Variants in GSTT2B observed in about 807,000 individuals in gnomAD.
GSTT2B encodes the protein glutathione S-transferase theta 2B.
GSTT2B carries 4 observed loss-of-function variants against 16.6 expected under a neutral mutation model. That is an observed-to-expected ratio of 0.24 (90% CI 0.12 to 0.55). The LOEUF is 0.55. GSTT2B is among the 20% of genes least tolerant of loss of function. GSTT2B has a pLI of 0.94. For synonymous variants in GSTT2B, 9 were observed against 110.9 expected (o/e 0.08, Z 5.77); for missense variants, 27 against 266.1 (o/e 0.10, Z 6.25).
At chr22:23,959,396 G>T (rs1407094108) in intron 2 of GSTT2B, among the ~76,000 whole-genome samples, 1 of 97,348 alleles carries the variant, frequency 1.0e-5, no homozygotes, top group African/African-American at 3.2e-5. Context: ...ATGTTCCCTT[G>T]TCTTCTCTTC....
intron 1 of GSTT2B, among the ~76,000 whole-genome samples, chr22:23,960,665 A>G (rs2033830931): frequency 1.9e-5 from 2 of 107,384 alleles, no homozygotes; most frequent in African/African-American, 5.8e-5. Context: ...GGGGTGGCTC[A>G]TCTCTTCCCA....
At chr22:23,959,417 C>G (rs530727356) in intron 2 of GSTT2B, among the ~76,000 whole-genome samples, 1 of 100,842 alleles carries the variant, frequency 9.9e-6, no homozygotes, top group Admixed American at 1.0e-4. Flanking sequence ...TAATACCCTT[C>G]AGTCTGGGAG....
intron 2 of GSTT2B, among the ~76,000 whole-genome samples, chr22:23,959,734 C>T (rs1354431040): frequency 7.0e-5 from 7 of 100,614 alleles, no homozygotes; most frequent in Non-Finnish European, 9.4e-5. Flanking sequence ...GCCGCCACCA[C>T]GCCCTGCTAA....
rs768219280 is a variant in GSTT2B at position 23,960,374 on chromosome 22, G to C, written c.120C>G (p.His40Gln). The change falls in exon 2 of 5, where the codon CAC (histidine) becomes CAG (glutamine). Residue 40 changes from histidine to glutamine, a missense_variant. By Grantham distance (24) the His-to-Gln change is conservative (BLOSUM62 0). Coordinates refer to ENST00000290765, the MANE Select transcript of GSTT2B (RefSeq NM_001080843.4). Reference sequence around the variant, plus strand: ...TGATCTGCAAGAACTCCTTGCTCTTGTGCTGCCCTGAAGAGGAAGAAGTCA... The same window carrying C: ...TGATCTGCAAGAACTCCTTGCTCTTCTGCTGCCCTGAAGAGGAAGAAGTCA... The part of the protein sequence containing the change: ...LRTVDLVKGQ[H>Q]KSKEFLQINS... 15 of 1,610,698 alleles carry C rather than the reference G, an allele frequency of 9.3e-6. No individual in the cohort carries two copies. In the South Asian group the frequency reaches 9.9e-5, roughly 11 times the overall value.
chr22:23,959,219 AC>A, intron 2 of GSTT2B, among the ~76,000 whole-genome samples: 1 of 130,570 alleles, frequency 7.7e-6, no homozygotes, highest in East Asian at 2.2e-4. Context: ...CAGCCACCTG[AC>A]CTCTTGTCCT....
intron 1 of GSTT2B, among the ~76,000 whole-genome samples, 175 bp from the exon 2 acceptor site, chr22:23,960,556 G>A (rs1322769977): frequency 1.0e-5 from 1 of 95,672 alleles, no homozygotes; most frequent in South Asian, 4.4e-4. Flanking sequence ...ACATTCCGGG[G>A]CAGCTGGGGG....
intron 2 of GSTT2B, 94 bp downstream of exon 2, chr22:23,960,200 G>A: frequency 2.1e-6 from 3 of 1,451,342 alleles, no homozygotes; most frequent in Non-Finnish European, 2.9e-6. Context: ...GCTGCCCCAT[G>A]GGGTATGGGA....
chr22:23,959,294 G>A lies in GSTT2B; in HGVS notation c.201-593C>T, dbSNP rs891006792. Among the ~76,000 whole-genome samples the A allele has an allele frequency of 1.0e-4, 9 of 87,934 alleles. 2 individuals carry two copies. Among genetic ancestry groups the A allele is most frequent in the Non-Finnish European group, 2.3e-4 (9 of 39,384 alleles). The allele number at this position is 87,934 out of a possible 152,430, so 57.7% of individuals were successfully genotyped here. On this transcript the variant is annotated intron_variant, in intron 2 of 4. Transcript: ENST00000290765. The stretch of plus-strand genomic sequence containing the variant: ...CCTTGGGCCATGGCATTGGCCTCTA[G>A]GCCCGGCCTGGGTAGATTGGGTAGT...
In GSTT2B at chr22:23,959,882, G is replaced by C. The variant is rs1335801701; in HGVS notation, c.200+412C>G. Reference sequence around the variant, plus strand: ...GTAAACCACCGCGCCCGGCCTTTTTGAGACGGAGTCTAGCTCTGTCGCCCA... The same window carrying C: ...GTAAACCACCGCGCCCGGCCTTTTTCAGACGGAGTCTAGCTCTGTCGCCCA... On this transcript the variant is annotated intron_variant, in intron 2 of 4. Coordinates refer to ENST00000290765, the MANE Select transcript of GSTT2B (RefSeq NM_001080843.4). Among the ~76,000 whole-genome samples the C allele has an allele frequency of 2.7e-5, 2 of 73,028 alleles. 1 individual carries two copies. The highest frequency in any genetic ancestry group is 6.2e-5 in the Non-Finnish European group (2 of 32,520). The allele number at this position is 73,028 out of a possible 152,430, so 47.9% of individuals were successfully genotyped here.
intron 2 of GSTT2B, among the ~76,000 whole-genome samples, chr22:23,960,016 A>G (rs1181416543): frequency 7.1e-6 from 1 of 141,416 alleles, no homozygotes; most frequent in African/African-American, 2.6e-5. Context: ...GACGCCCGCC[A>G]CCACGCCCGG....
chr22:23,959,868 C>T (rs144364021), intron 2 of GSTT2B, among the ~76,000 whole-genome samples: 1,045 of 86,398 alleles, frequency 0.012, 16 homozygotes, highest in African/African-American at 0.033. Context: ...TAAACCACCG[C>T]GCCCGGCCTT....
At chr22:23,960,235 G>A in intron 2 of GSTT2B, 59 bp downstream of exon 2, 4 of 1,594,846 alleles carry the variant, frequency 2.5e-6, no homozygotes, top group Non-Finnish European at 3.4e-6. Context: ...CGGGGCCAGT[G>A]GGGAGAGCCA....
At position 23,960,458 on chromosome 22, in the gene GSTT2B, C is replaced by T. The variant is rs1449069685; in HGVS notation, c.113-77G>A. On this transcript the variant is annotated intron_variant, in intron 1 of 4. Coordinates refer to ENST00000290765, the MANE Select transcript of GSTT2B (RefSeq NM_001080843.4). ...TACACCCTCCCTCCTCCTCCCCAAG[C>T]GGAGCCCCACAGCCCTGAGAAACAG... The T allele has an allele frequency of 4.5e-5, 62 of 1,364,040 alleles. 1 individual carries two copies. Among genetic ancestry groups the T allele is most frequent in the Non-Finnish European group, 6.1e-5 (60 of 976,310 alleles). The allele number at this position is 1,364,040 out of a possible 1,614,324, so 84.5% of individuals were successfully genotyped here.
At chr22:23,960,778 G>A (rs1332340384) in intron 1 of GSTT2B, among the ~76,000 whole-genome samples, 16 of 135,618 alleles carry the variant, frequency 1.2e-4, no homozygotes, top group Non-Finnish European at 2.5e-4. Flanking sequence ...ACTCCATTCA[G>A]TATTTTCTTT....
rs2146205371 is a variant in GSTT2B at position 23,961,044 on chromosome 22, G to C, written c.88C>G (p.Leu30Val). The C allele has an allele frequency of 1.8e-6, 1 of 548,478 alleles. No homozygotes were observed. Among genetic ancestry groups the C allele is most frequent in the East Asian group, 3.2e-5 (1 of 31,058 alleles). 34.0% of individuals were successfully genotyped at this position (548,478 alleles called of 1,614,324 possible). Residue 30 changes from leucine (L) to valine (V), a missense_variant, in exon 1 of 5, where the codon CTG becomes GTG. Coordinates refer to ENST00000290765, the MANE Select transcript of GSTT2B (RefSeq NM_001080843.4). ...CCTTTGACCAAATCCACGGTGCGCA[G>C]CTCTAAGGGGATGCCATTCTTCTTG... Reference protein sequence around the residue: ...FAKKNGIPLELRTVDLVKGQH... With the variant: ...FAKKNGIPLEVRTVDLVKGQH...
chr22:23,960,132 C>T (rs1338782988), intron 2 of GSTT2B, among the ~76,000 whole-genome samples, 162 bp downstream of exon 2: 18 of 146,622 alleles, frequency 1.2e-4, no homozygotes, highest in East Asian at 1.1e-3. Context: ...CCCGAAGTGC[C>T]GGGATGACAG....
At chr22:23,959,856 C>T (rs923661383) in intron 2 of GSTT2B, among the ~76,000 whole-genome samples, 7 of 90,966 alleles carry the variant, frequency 7.7e-5, no homozygotes, top group Admixed American at 3.6e-4. Flanking sequence ...GGATTACAGG[C>T]GTAAACCACC....
intron 2 of GSTT2B, among the ~76,000 whole-genome samples, chr22:23,960,025 G>A (rs569523813): frequency 4.2e-4 from 58 of 138,978 alleles, no homozygotes; most frequent in African/African-American, 1.6e-3. Context: ...CACCACGCCC[G>A]GTTAATTTTT....
intron 2 of GSTT2B, among the ~76,000 whole-genome samples, chr22:23,959,964 CA>C (rs1190707465): frequency 2.4e-5 from 3 of 124,306 alleles, no homozygotes; most frequent in African/African-American, 8.3e-5. Flanking sequence ...CCTGGGTTCA[CA>C]CCATTCTCCT....
Sources: allele counts gnomAD v4.1 joint callset (sites outside exome capture counted in the v4.1 genomes callset), GRCh38; gene constraint gnomAD v4.1.1; transcripts MANE v1.5; gene names NCBI Gene and HGNC (gene_info 2026-07-23, HGNC 2026-07-21).